Variants in TMEM116 observed in about 807,000 individuals in gnomAD.
TMEM116 encodes transmembrane protein 116.
A neutral mutation model predicts 44.3 loss-of-function variants in TMEM116; 38 were observed. The ratio of observed to expected loss-of-function variants is 0.86; its 90% CI spans 0.66 to 1.12. TMEM116 has a LOEUF of 1.12. Ranked by LOEUF, TMEM116 falls within the 50% of genes most tolerant of loss-of-function variation. The pLI is 0.00. For synonymous variants in TMEM116, 132 were observed against 144.8 expected (o/e 0.91, Z 0.64); for missense variants, 354 against 401.7 (o/e 0.88, Z 1.01).
At chr12:111,971,225 C>A in intron 4 of TMEM116, among the ~76,000 whole-genome samples, 1 of 151,946 alleles carries the variant, frequency 6.6e-6, no homozygotes, top group East Asian at 1.9e-4. Context: ...ATGAAGAGCA[C>A]CAGAAATGGT....
intron 3 of TMEM116, among the ~76,000 whole-genome samples, chr12:112,001,456 C>CA (rs2077252693): frequency 6.6e-6 from 1 of 152,134 alleles, no homozygotes; most frequent in Non-Finnish European, 1.5e-5. Context: ...GAACTATAGG[C>CA]ACCTGCCACT....
chr12:111,996,938 A>G (rs1363152407), intron 3 of TMEM116, among the ~76,000 whole-genome samples: 2 of 152,252 alleles, frequency 1.3e-5, no homozygotes, highest in Non-Finnish European at 2.9e-5. Context: ...ACGTACAAAA[A>G]TACATATAGC....
chr12:111,935,860 C>A (rs573988364), intron 8 of TMEM116: 1 of 152,056 alleles, frequency 6.6e-6, no homozygotes. Context: ...AGACTAGTTT[C>A]GAATTCCTGG....
At chr12:112,012,657 T>G (rs1046151671) in intron 1 of TMEM116, 7 of 152,574 alleles carry the variant, frequency 4.6e-5, no homozygotes, top group Non-Finnish European at 1.0e-4. Context: ...ACAAAGTGCG[T>G]GCCTTCAGCA....
At chr12:111,969,311 G>A (rs1170784727) in intron 4 of TMEM116, among the ~76,000 whole-genome samples, 35 of 128,194 alleles carry the variant, frequency 2.7e-4, no homozygotes, top group African/African-American at 1.1e-3. Context: ...CAAGAGCGAC[G>A]CTCCATCTCA....
intron 4 of TMEM116, among the ~76,000 whole-genome samples, chr12:111,961,045 C>A (rs2074555655): frequency 1.3e-5 from 2 of 152,172 alleles, no homozygotes; most frequent in South Asian, 4.1e-4. Context: ...ACTATAAACA[C>A]CTCTATGCAA....
At chr12:111,937,819 A>G (rs1213342203) in intron 6 of TMEM116, among the ~76,000 whole-genome samples, 2 of 152,204 alleles carry the variant, frequency 1.3e-5, no homozygotes, top group African/African-American at 4.8e-5. Flanking sequence ...GTCTTACCCA[A>G]TGTTATAAAG....
intron 4 of TMEM116, among the ~76,000 whole-genome samples, chr12:111,950,662 A>G (rs1565888952): frequency 1.3e-5 from 2 of 152,118 alleles, no homozygotes; most frequent in Admixed American, 1.3e-4. Flanking sequence ...CTTTCCTTAC[A>G]CCATATATAA....
chr12:111,946,524 G>T (rs959178343), intron 4 of TMEM116, among the ~76,000 whole-genome samples: 55 of 152,208 alleles, frequency 3.6e-4, no homozygotes, highest in African/African-American at 1.3e-3. Flanking sequence ...ATTGTTTGTG[G>T]TTTAGGAACA....
intron 4 of TMEM116, among the ~76,000 whole-genome samples, chr12:111,987,897 A>G (rs777778130): frequency 6.6e-6 from 1 of 151,938 alleles, no homozygotes; most frequent in Non-Finnish European, 1.5e-5. Context: ...GTTATTCACA[A>G]CATCTAAAAG....
At chr12:111,972,600 C>T (rs751951883) in intron 4 of TMEM116, among the ~76,000 whole-genome samples, 4 of 152,030 alleles carry the variant, frequency 2.6e-5, no homozygotes, top group South Asian at 2.1e-4. Context: ...TAAGTCTTGC[C>T]GGGTGTGGTG....
chr12:111,940,497 A>ACG (rs1171115241), intron 5 of TMEM116, among the ~76,000 whole-genome samples: 3 of 139,930 alleles, frequency 2.1e-5, no homozygotes, highest in African/African-American at 8.3e-5. Context: ...ACACACACAC[A>ACG]CATATATATA....
Position 112,013,131 on chromosome 12 carries a change from T to G in TMEM116, c.-163A>C, listed in dbSNP as rs762281294. 2.0e-4 allele frequency: 62 copies of G among 303,350 alleles called. 1 individual carries two copies. Among genetic ancestry groups the G allele is most frequent in the Non-Finnish European group, 3.7e-5 (6 of 162,618 alleles). 18.8% of individuals were successfully genotyped at this position (303,350 alleles called of 1,614,324 possible). A position where few individuals can be genotyped will look rare whatever the true frequency, so the allele number is the denominator to read the frequency against. ...TTGCTATAGCGTCCCCATGCGCACT[T>G]GGCGCTTCTCCTCAAGCGGAGCAGG... On this transcript the variant is annotated 5_prime_UTR_variant, in exon 1 of 11. Coordinates refer to ENST00000552374, the MANE Select transcript of TMEM116 (RefSeq NM_001193531.2).
intron 4 of TMEM116, among the ~76,000 whole-genome samples, chr12:111,970,167 T>C (rs577626731): frequency 6.6e-6 from 1 of 151,470 alleles, no homozygotes; most frequent in South Asian, 2.1e-4. Flanking sequence ...TAATCCTAGA[T>C]ACTTGGGAGG....
chr12:111,996,151 T>C (rs1406185142), intron 3 of TMEM116, among the ~76,000 whole-genome samples: 1 of 151,932 alleles, frequency 6.6e-6, no homozygotes, highest in African/African-American at 2.4e-5. Flanking sequence ...GTCTTCAATT[T>C]TTGTTTAGGG....
intron 4 of TMEM116, among the ~76,000 whole-genome samples, chr12:111,976,395 G>A (rs1332067172): frequency 1.3e-5 from 2 of 151,756 alleles, no homozygotes; most frequent in African/African-American, 4.8e-5. Flanking sequence ...CAGGAGAATC[G>A]CTTGAAACCG....
intron 1 of TMEM116, chr12:112,005,864 G>A: frequency 3.2e-6 from 3 of 925,588 alleles, no homozygotes; most frequent in Non-Finnish European, 3.9e-6. Flanking sequence ...TTAGTAGTAT[G>A]AAAAGAGATT....
chr12:112,000,781 T>C (rs1774461953), intron 3 of TMEM116: 5 of 535,738 alleles, frequency 9.3e-6, no homozygotes, highest in South Asian at 5.6e-5. Flanking sequence ...GAGTTTACTA[T>C]TATCAATGGC....
At chr12:111,971,402 G>T (rs370451793) in intron 4 of TMEM116, among the ~76,000 whole-genome samples, 1 of 151,900 alleles carries the variant, frequency 6.6e-6, no homozygotes, top group Non-Finnish European at 1.5e-5. Flanking sequence ...ACTATTGTAA[G>T]ATTCTTATCC....
Sources: allele counts gnomAD v4.1 joint callset (sites outside exome capture counted in the v4.1 genomes callset), GRCh38; gene constraint gnomAD v4.1.1; transcripts MANE v1.5; gene names NCBI Gene and HGNC (gene_info 2026-07-23, HGNC 2026-07-21).